GABRB2: variants seen among roughly 807,000 people sequenced by gnomAD.
The protein encoded by GABRB2 is gamma-aminobutyric acid type A receptor subunit beta2.
GABRB2 carries 16 observed loss-of-function variants against 54.7 expected under a neutral mutation model. The observed-to-expected ratio is 0.29, with a 90% CI of 0.20 to 0.44. GABRB2 has a LOEUF of 0.44. Ranked by LOEUF, GABRB2 falls within the 20% of genes least tolerant of loss-of-function variation. GABRB2 has a pLI of 1.00. For missense variants in GABRB2, 355 were observed against 644.0 expected, an observed-to-expected ratio of 0.55 and a Z score of 4.86; for synonymous variants, 244 against 233.8, an observed-to-expected ratio of 1.04 and a Z score of -0.40.
chr5:161,304,444 G>C (rs1757622416), intron 9 of GABRB2, among the ~76,000 whole-genome samples: 1 of 152,190 alleles, frequency 6.6e-6, no homozygotes, highest in South Asian at 2.1e-4. Context: ...CTGTGATCTT[G>C]ACCCAGTGCT....
intron 3 of GABRB2, among the ~76,000 whole-genome samples, chr5:161,500,900 T>C (rs1428674616): frequency 6.6e-6 from 1 of 152,130 alleles, no homozygotes; most frequent in African/African-American, 2.4e-5. Flanking sequence ...TAGTTACAAA[T>C]GTATACATGT....
At chr5:161,413,633 G>A (rs999781541) in intron 4 of GABRB2, among the ~76,000 whole-genome samples, 1 of 152,038 alleles carries the variant, frequency 6.6e-6, no homozygotes, top group East Asian at 1.9e-4. Flanking sequence ...TAGAGAGCAG[G>A]CATTTTCAAC....
At chr5:161,352,490 T>C (rs1255870310) in intron 5 of GABRB2, among the ~76,000 whole-genome samples, 1 of 151,970 alleles carries the variant, frequency 6.6e-6, no homozygotes, top group Non-Finnish European at 1.5e-5. Context: ...CAATTGTATG[T>C]GGAATCTAAA....
intron 3 of GABRB2, among the ~76,000 whole-genome samples, chr5:161,485,893 C>A (rs112778690): frequency 0.049 from 7,428 of 151,832 alleles, 448 homozygotes; most frequent in Admixed American, 0.16. Context: ...TGTGGGGGTG[C>A]ATTAGGAAAG....
chr5:161,324,243 G>A (rs1284239829), intron 9 of GABRB2, among the ~76,000 whole-genome samples: 1 of 152,084 alleles, frequency 6.6e-6, no homozygotes, highest in Non-Finnish European at 1.5e-5. Context: ...AGGCAATGTT[G>A]ATAATGATTA....
At chr5:161,378,608 T>C (rs1051524472) in intron 5 of GABRB2, among the ~76,000 whole-genome samples, 3 of 152,156 alleles carry the variant, frequency 2.0e-5, no homozygotes, top group Non-Finnish European at 2.9e-5. Flanking sequence ...TTTACCATGA[T>C]GCTCAAATGA....
chr5:161,404,879 C>G (rs898335967), intron 5 of GABRB2, among the ~76,000 whole-genome samples: 1 of 152,114 alleles, frequency 6.6e-6, no homozygotes, highest in Non-Finnish European at 1.5e-5. Flanking sequence ...CCAAGTAACC[C>G]TTAACCTACA....
intron 4 of GABRB2, among the ~76,000 whole-genome samples, chr5:161,429,288 G>T (rs1321923340): frequency 7.8e-6 from 1 of 128,382 alleles, no homozygotes; most frequent in Non-Finnish European, 1.6e-5. Flanking sequence ...AGAAGTTGCA[G>T]TGAGCTGAGA....
chr5:161,492,324 C>A (rs576851369), intron 3 of GABRB2, among the ~76,000 whole-genome samples: 1 of 151,766 alleles, frequency 6.6e-6, no homozygotes, highest in African/African-American at 2.4e-5. Context: ...CACATTGAAT[C>A]TGCCCTCTAA....
chr5:161,522,202 C>CACACATTTGAGATTAG (rs1760136567), intron 3 of GABRB2, among the ~76,000 whole-genome samples: 1 of 151,802 alleles, frequency 6.6e-6, no homozygotes, highest in Non-Finnish European at 1.5e-5. Flanking sequence ...TAGGTGTTAT[C>CACACATTTGAGATTAG]ACACATTTGA....
intron 5 of GABRB2, among the ~76,000 whole-genome samples, chr5:161,380,003 A>G (rs1274439042): frequency 6.6e-6 from 1 of 152,148 alleles, no homozygotes; most frequent in Non-Finnish European, 1.5e-5. Context: ...CCAACTTTAC[A>G]GAGTTTACCT....
intron 3 of GABRB2, among the ~76,000 whole-genome samples, chr5:161,518,390 C>A (rs1415857734): frequency 6.6e-6 from 1 of 152,138 alleles, no homozygotes; most frequent in Non-Finnish European, 1.5e-5. Flanking sequence ...ACATTACTTA[C>A]CCCTGTTGAC....
intron 3 of GABRB2, among the ~76,000 whole-genome samples, chr5:161,535,426 T>C (rs1397786242): frequency 1.3e-5 from 2 of 152,156 alleles, no homozygotes; most frequent in Non-Finnish European, 2.9e-5. Context: ...ATTAGTTTAT[T>C]TGGTCCACCA....
At chr5:161,495,233 T>A (rs1320027360) in intron 3 of GABRB2, among the ~76,000 whole-genome samples, 7 of 151,984 alleles carry the variant, frequency 4.6e-5, no homozygotes, top group Admixed American at 3.9e-4. Flanking sequence ...TTTCCTTGAA[T>A]AAGTCCTACC....
chr5:161,296,497 T>C (rs1456866272), intron 9 of GABRB2, among the ~76,000 whole-genome samples: 1 of 152,218 alleles, frequency 6.6e-6, no homozygotes. Flanking sequence ...TAAAAATTAT[T>C]GGCAGCTATG....
At chr5:161,456,860 G>T (rs1043876678) in intron 4 of GABRB2, among the ~76,000 whole-genome samples, 1 of 152,110 alleles carries the variant, frequency 6.6e-6, no homozygotes, top group African/African-American at 2.4e-5. Context: ...ATTACTGGCT[G>T]GGGGTGGGTA....
chr5:161,306,795 TA>T (rs1757703226), intron 9 of GABRB2, among the ~76,000 whole-genome samples: 1 of 151,858 alleles, frequency 6.6e-6, no homozygotes, highest in Admixed American at 6.6e-5. Context: ...TAGCTGTGCT[TA>T]AAAAAATTAG....
intron 3 of GABRB2, among the ~76,000 whole-genome samples, chr5:161,476,679 A>G (rs10035384): frequency 0.019 from 2,874 of 152,004 alleles, 86 homozygotes; most frequent in African/African-American, 0.066. Flanking sequence ...TGCCAAGACT[A>G]CCCAATAAAG....
intron 5 of GABRB2, among the ~76,000 whole-genome samples, chr5:161,375,724 G>A (rs1004243183): frequency 6.6e-6 from 1 of 151,932 alleles, no homozygotes; most frequent in Admixed American, 6.6e-5. Context: ...TTAAGACAGG[G>A]GAAACACAAT....
Sources: allele counts gnomAD v4.1 joint callset (sites outside exome capture counted in the v4.1 genomes callset), GRCh38; gene constraint gnomAD v4.1.1; transcripts MANE v1.5; gene names NCBI Gene and HGNC (gene_info 2026-07-23, HGNC 2026-07-21).